The following INTS1 variants were observed in gnomAD, a reference collection of about 807,000 sequenced individuals.
INTS1 encodes integrator complex subunit 1.
INTS1 carries 137 observed loss-of-function variants against 241.6 expected under a neutral mutation model. The ratio of observed to expected loss-of-function variants is 0.57; its 90% CI spans 0.49 to 0.65. INTS1 has a LOEUF of 0.65. Ranked by LOEUF, INTS1 falls within the 30% of genes least tolerant of loss-of-function variation. The probability of loss-of-function intolerance (pLI) is 0.00; values close to 1 mark genes in which losing one functional copy is unlikely to be tolerated. For synonymous variants in INTS1, 1,692 were observed against 1,337.8 expected (o/e 1.26, Z -5.78); for missense variants, 3,073 against 3,032.2 (o/e 1.01, Z -0.32).
At position 1,486,949 on chromosome 7, in the gene INTS1, G is replaced by T. The variant is rs763292341; in HGVS notation, c.2799C>A (p.Ser933Arg). The T allele has an allele frequency of 2.5e-6, 4 of 1,606,792 alleles. No individual in the cohort carries two copies. The highest frequency in any genetic ancestry group is 2.2e-5 in the East Asian group (1 of 44,774). ...ASGEEDDEGE[S>R]KEQKAKKRQR... ...GCCGCTTCTTGGCCTTCTGCTCCTT[G>T]CTCTCGCCCTCGTCGTCCTCCTCCC... The change falls in exon 21 of 48, where the codon AGC becomes AGA. Residue 933 changes from serine to arginine, a missense_variant. Coordinates refer to ENST00000404767, the MANE Select transcript of INTS1 (RefSeq NM_001080453.3).
chr7:1,470,803 C>T (rs1781426215), intron 47 of INTS1, 43 bp downstream of exon 47: 1 of 1,515,296 alleles, frequency 6.6e-7, no homozygotes, highest in Non-Finnish European at 8.9e-7. Context: ...CCTCCGGCCT[C>T]CCCGAGGGCT....
In INTS1 at chr7:1,481,470, G is replaced by A. The variant is rs367597780; in HGVS notation, c.3722C>T (p.Pro1241Leu). 6.8e-6 allele frequency: 11 copies of A among 1,609,854 alleles called. No individual in the cohort carries two copies. Among genetic ancestry groups the A allele is most frequent in the Admixed American group, 1.7e-5 (1 of 59,954 alleles). ...LVDAALQDLE[P>L]QQLLLFVQSF... ...CTGCACGAACAGCAGCAGCTGCTGC[G>A]GCTCCAGGTCCTGCAGGGCTGAGGG... Residue 1241 changes from proline to leucine, a missense_variant, in exon 28 of 48, where the codon CCG becomes CTG. Physicochemically the swap from Pro to Leu is moderately conservative, Grantham distance 98. Transcript: ENST00000404767. This position sits in a 1 kb window ranked among gnomAD's most constrained non-coding sequence, Gnocchi z 6.8.
rs367556871 is a variant in INTS1, at chr7:1,476,893, G to A, written c.4964C>T (p.Ser1655Leu). Residue 1655 changes from serine (S) to leucine (L), a missense_variant, in exon 36 of 48, where the codon TCG (serine) becomes TTG (leucine). Ser to Leu is a moderately radical substitution (Grantham distance 145). Coordinates refer to ENST00000404767, the MANE Select transcript of INTS1 (RefSeq NM_001080453.3). ...GAGGGTCAGGAGGTAGGGACGGAAC[G>A]AGGGCACCTGGGCCTGACCTTTGCC... is the stretch of plus-strand genomic sequence containing the variant. ...RKGKGQAQVP[S>L]FRPYLLTLFT... 98 of 1,611,942 alleles carry A rather than the reference G, an allele frequency of 6.1e-5. 2 individuals carry two copies. Among genetic ancestry groups the A allele is most frequent in the South Asian group, 2.5e-4 (23 of 90,938 alleles).
intron 18 of INTS1, 76 bp downstream of exon 18, chr7:1,489,268 G>T (rs1191920900): frequency 7.3e-6 from 1 of 136,922 alleles, no homozygotes; most frequent in Non-Finnish European, 9.9e-6. Context: ...GGAGACAGCA[G>T]GGAACACAGC....
rs756881537 is a variant in INTS1, at chr7:1,503,140, T to C, written c.110A>G (p.Asn37Ser). The change falls in exon 3 of 48, where the codon AAT (asparagine) becomes AGT (serine). Residue 37 changes from asparagine to serine, a missense_variant. Asn to Ser is a conservative substitution (Grantham distance 46). Transcript: ENST00000404767. ...FIALGSKGQA[N>S]ESKTASTLLK... ...CAGGGTGGACGCCGTTTTCGATTCA[T>C]TGGCCTGACCCTTTGAGCCCAGAGC... The C allele has an allele frequency of 1.4e-5, 23 of 1,589,024 alleles. No individual in the cohort carries two copies. Among genetic ancestry groups the C allele is most frequent in the Non-Finnish European group, 2.0e-5 (23 of 1,164,292 alleles).
In INTS1 at chr7:1,494,765, G is replaced by A. The variant is rs140419166; in HGVS notation, c.1910+51C>T. On this transcript the variant is annotated intron_variant, in intron 14 of 47. Coordinates refer to ENST00000404767, the MANE Select transcript of INTS1 (RefSeq NM_001080453.3). Reference sequence around the variant, plus strand: ...CCTGCCGCAGCCGGCCCGGCACCCCGCAGCCCCGCCCAGCCCGGCACACAG... The same window carrying A: ...CCTGCCGCAGCCGGCCCGGCACCCCACAGCCCCGCCCAGCCCGGCACACAG... 1,132 of 1,532,918 alleles carry A rather than the reference G, an allele frequency of 7.4e-4. 7 individuals are homozygous for A. In the African/African-American group the frequency reaches 0.014, roughly 19 times the overall value. 95.0% of individuals were successfully genotyped at this position (1,532,918 alleles called of 1,614,324 possible).
In INTS1 at chr7:1,500,214, C is replaced by T; in HGVS notation, c.502G>A (p.Ala168Thr). The change falls in exon 4 of 48, where the codon GCC becomes ACC. Residue 168 changes from alanine to threonine, a missense_variant. Physicochemically the swap from Ala to Thr is moderately conservative, Grantham distance 58 (BLOSUM62 0). Transcript: ENST00000404767. ...GCGAAGATGTTGGGCTTGATCTTGG[C>T]CAGGTACATGAGGCTCAGGTAGAGG... is the stretch of plus-strand genomic sequence containing the variant. Reference protein sequence around the residue: ...STLYLSLMYLAKIKPNIFATE... With the variant: ...STLYLSLMYLTKIKPNIFATE... 2 of 1,603,602 alleles carry T rather than the reference C, an allele frequency of 1.2e-6. No homozygotes were observed. The highest frequency in any genetic ancestry group is 1.1e-5 in the South Asian group (1 of 89,732).
In INTS1 at chr7:1,493,856, T is replaced by A. The variant is rs1371005396; in HGVS notation, c.1966A>T (p.Ile656Phe). The A allele has an allele frequency of 1.3e-6, 2 of 1,567,818 alleles. No homozygotes were observed. The highest frequency in any genetic ancestry group is 8.6e-7 in the Non-Finnish European group (1 of 1,157,256). ...TCCCGGGACAGCCCGATGACCAGGA[T>A]GCGCATCAGCGTGTCCTCCAAAATG... ...VPILEDTLMR[I>F]LVIGLSRELP... The change falls in exon 15 of 48, where the codon ATC (isoleucine) becomes TTC (phenylalanine). Residue 656 changes from isoleucine to phenylalanine, a missense_variant. Transcript: ENST00000404767. This position sits in a 1 kb window ranked among gnomAD's most constrained non-coding sequence, Gnocchi z 5.3.
chr7:1,498,917 C>T, intron 8 of INTS1, 58 bp downstream of exon 8: 2 of 1,532,646 alleles, frequency 1.3e-6, no homozygotes, highest in Non-Finnish European at 1.8e-6. Flanking sequence ...CGCTGTGGGG[C>T]CACACAGAGC....
rs368671630 is a variant in INTS1 at position 1,473,572 on chromosome 7, G to C, written c.5951C>G (p.Pro1984Arg). 2.8e-5 allele frequency: 45 copies of C among 1,592,068 alleles called. No homozygotes were observed. Among genetic ancestry groups the C allele is most frequent in the Non-Finnish European group, 3.8e-5 (44 of 1,170,068 alleles). Residue 1984 changes from proline to arginine, a missense_variant, in exon 42 of 48, where the codon CCG (proline) becomes CGG (arginine). By Grantham distance (103) the Pro-to-Arg change is moderately radical. Transcript: ENST00000404767. ...AISFLQKHAD[P>R]LHDLSFDNSD... is the part of the protein sequence containing the mutation. ...GCAGCCCGTGGGCACTCACTGGAGCGGGTCGGCGTGCTTCTGCAGGAAGGA... is the reference window on the plus strand; with the variant it reads ...GCAGCCCGTGGGCACTCACTGGAGCCGGTCGGCGTGCTTCTGCAGGAAGGA...
In INTS1 at chr7:1,477,885, G is replaced by A; in HGVS notation, c.4682C>T (p.Thr1561Ile). Residue 1561 changes from threonine (T) to isoleucine (I), a missense_variant, in exon 34 of 48, where the codon ACT (threonine) becomes ATT (isoleucine). Coordinates refer to ENST00000404767, the MANE Select transcript of INTS1 (RefSeq NM_001080453.3). ...ATCCGCAGTGGCAGAGAAGAATGCAGTCAGCAGCTCCTCCAGGTGGGGGGA... is the reference window on the plus strand; with the variant it reads ...ATCCGCAGTGGCAGAGAAGAATGCAATCAGCAGCTCCTCCAGGTGGGGGGA... The part of the protein sequence containing the change: ...VRSPHLEELL[T>I]AFFSATADAA... The A allele has an allele frequency of 6.2e-7, 1 of 1,612,662 alleles. No individual in the cohort carries two copies. Among genetic ancestry groups the A allele is most frequent in the Non-Finnish European group, 8.5e-7 (1 of 1,179,856 alleles).
intron 26 of INTS1, chr7:1,483,110 G>A (rs763945983): frequency 4.5e-6 from 1 of 220,668 alleles, no homozygotes; most frequent in Non-Finnish European, 9.1e-6. Flanking sequence ...CAAGGGCGAC[G>A]CCTGTGACTG....
chr7:1,479,456 G>A lies in INTS1; in HGVS notation c.4303C>T (p.Leu1435=), dbSNP rs778814570. Residue 1435 remains leucine (L), a synonymous_variant, in exon 31 of 48, where the codon CTG becomes TTG. Transcript: ENST00000404767. ...TGGTACTGGCAGAGCTGGCGCAGCAGCGGGCAGGCCAGGAAGTGGCTACGG... is the reference window on the plus strand; with the variant it reads ...TGGTACTGGCAGAGCTGGCGCAGCAACGGGCAGGCCAGGAAGTGGCTACGG... ...MHRSHFLACP[L]LRQLCQYQRC... 2 of 1,579,242 alleles carry A rather than the reference G, an allele frequency of 1.3e-6. No homozygotes were observed. The highest frequency in any genetic ancestry group is 3.6e-5 in the Admixed American group (2 of 55,794).
chr7:1,480,279 G>C (rs751571951), intron 30 of INTS1, 38 bp downstream of exon 30: 2 of 1,572,412 alleles, frequency 1.3e-6, no homozygotes, highest in South Asian at 1.1e-5. Flanking sequence ...CAGGAAGAGG[G>C]GCTGCAGGTG....
Position 1,476,213 on chromosome 7 carries a change from CG to C in INTS1, c.5378+15del, listed in dbSNP as rs1554274232. 1.9e-6 allele frequency: 3 copies of C among 1,544,588 alleles called. No homozygotes were observed. Among genetic ancestry groups the C allele is most frequent in the Non-Finnish European group, 8.7e-7 (1 of 1,145,916 alleles). ...CTCACTCCCAGGCAGCATCTGGGGC[CG>C]GGGGGCCTGAGCACCTGTCTCCCCA... On this transcript the variant is annotated intron_variant, in intron 38 of 47. Transcript: ENST00000404767.
chr7:1,475,958 C>G lies in INTS1; in HGVS notation c.5492G>C (p.Ser1831Thr). 6.5e-7 allele frequency: 1 copy of G among 1,540,642 alleles called. No homozygotes were observed. Among genetic ancestry groups the G allele is most frequent in the Non-Finnish European group, 8.7e-7 (1 of 1,144,982 alleles). The change falls in exon 39 of 48, where the codon AGC (serine) becomes ACC (threonine). Residue 1831 changes from serine to threonine, a missense_variant. Ser to Thr is a moderately conservative substitution (Grantham distance 58, BLOSUM62 1). Coordinates refer to ENST00000404767, the MANE Select transcript of INTS1 (RefSeq NM_001080453.3). The stretch of plus-strand genomic sequence containing the variant: ...GAGTTGCGCCCTCACCTTGCAGACG[C>G]TGCTGCTGGCAGCCCCTTCGCTGTG... ...LLHSEGAASS[S>T]VCKLDGLIHR...
Position 1,498,829 on chromosome 7 carries a change from C to A in INTS1, c.1161G>T (p.Leu387=). Residue 387 remains leucine (L), a synonymous_variant, in exon 9 of 48, where the codon CTG becomes CTT. Coordinates refer to ENST00000404767, the MANE Select transcript of INTS1 (RefSeq NM_001080453.3). ...TGCAGTTCATGCAGACGGACATCAG[C>A]AGGTCCTGGGCCGGCCGGGTCAGCT... ...NPKLTRPAQD[L]LMSVCMNCNT... 3 of 1,605,622 alleles carry A rather than the reference C, an allele frequency of 1.9e-6. 1 individual carries two copies. The highest frequency in any genetic ancestry group is 2.2e-5 in the South Asian group (2 of 88,920).
intron 26 of INTS1, chr7:1,483,067 CCA>C (rs1782072000): frequency 3.9e-6 from 1 of 257,914 alleles, no homozygotes; most frequent in Non-Finnish European, 7.5e-6. Context: ...AGGCCCAGGC[CCA>C]CACAGGGCCA....
In INTS1 at chr7:1,480,920, G is replaced by C. The variant is rs765833174; in HGVS notation, c.3864C>G (p.His1288Gln). 3.1e-5 allele frequency: 48 copies of C among 1,572,824 alleles called. No individual in the cohort carries two copies. The highest frequency in any genetic ancestry group is 4.1e-5 in the Non-Finnish European group (47 of 1,160,358). Residue 1288 changes from histidine (H) to glutamine (Q), a missense_variant, in exon 29 of 48, where the codon CAC becomes CAG. Coordinates refer to ENST00000404767, the MANE Select transcript of INTS1 (RefSeq NM_001080453.3). ...QNIMDKNYMA[H>Q]LVEVQHERGA... is the part of the protein sequence containing the mutation. Reference sequence around the variant, plus strand: ...CGCGCTCATGCTGGACCTCCACCAGGTGGGCCATGTAATCTGCAAACCGTA... The same window carrying C: ...CGCGCTCATGCTGGACCTCCACCAGCTGGGCCATGTAATCTGCAAACCGTA...
Sources: allele counts gnomAD v4.1 joint callset, GRCh38; gene constraint gnomAD v4.1.1; non-coding constraint Gnocchi (gnomAD v3.1); transcripts MANE v1.5; gene names NCBI Gene and HGNC (gene_info 2026-07-23, HGNC 2026-07-21).